Variants in CBL observed in about 807,000 individuals in gnomAD.
CBL encodes E3 ubiquitin-protein ligase CBL.
In CBL, 45 loss-of-function variants were observed where a neutral mutation model predicts 96.9. That is an observed-to-expected ratio of 0.46 (90% CI 0.37 to 0.60). The LOEUF is 0.60. Among genes scored for constraint, CBL ranks in the 20% least tolerant of loss-of-function variants. CBL has a pLI of 0.00. For missense variants in CBL, 1,024 were observed against 1,143.5 expected (o/e 0.90, Z 1.51); for synonymous variants, 420 against 426.8 (o/e 0.98, Z 0.20).
At chr11:119,272,349 T>C (rs1245699614) in intron 3 of CBL, among the ~76,000 whole-genome samples, 1 of 152,224 alleles carries the variant, frequency 6.6e-6, no homozygotes, top group Non-Finnish European at 1.5e-5. Context: ...TCTCGACTTC[T>C]GACCTCGTGA....
At position 119,307,762 on chromosome 11, in the gene CBL, C is replaced by G. The variant is rs1950158456; in HGVS notation, c.*7981C>G. On this transcript the variant is annotated 3_prime_UTR_variant, in exon 16 of 16. Coordinates refer to ENST00000264033, the MANE Select transcript of CBL (RefSeq NM_005188.4). ...TGGGAGTGCTGGAGAGAACCTGATG[C>G]TTTCTCCAGAATGAAGAGTCCCAAT... 1 of 219,228 alleles carries G rather than the reference C, an allele frequency of 4.6e-6. No individual in the cohort carries two copies. The highest frequency in any genetic ancestry group is 9.2e-6 in the Non-Finnish European group (1 of 109,174). 13.6% of individuals were successfully genotyped at this position (219,228 alleles called of 1,614,324 possible).
chr11:119,220,458 C>T (rs1315437495), intron 1 of CBL, among the ~76,000 whole-genome samples: 1 of 152,080 alleles, frequency 6.6e-6, no homozygotes, highest in African/African-American at 2.4e-5. Flanking sequence ...AAATATTAGC[C>T]AGGTGTGGCA....
At chr11:119,258,895 C>G (rs1369412106) in intron 2 of CBL, among the ~76,000 whole-genome samples, 2 of 152,172 alleles carry the variant, frequency 1.3e-5, no homozygotes, top group African/African-American at 4.8e-5. Context: ...GATACTGATT[C>G]TTCCAGTCCC....
At position 119,236,595 on chromosome 11, in the gene CBL, G is replaced by GTGTA. The variant is rs1017051945; in HGVS notation, c.443+3901_443+3902insGTAT. On this transcript the variant is annotated intron_variant, in intron 2 of 15. Transcript: ENST00000264033. Reference sequence around the variant, plus strand: ...ACATATATGTTTTCACTTCTTTTGAGTATATATATATATATATATATATAT... The same window carrying GTGTA: ...ACATATATGTTTTCACTTCTTTTGAGTGTATATATATATATATATATATATATAT... Among the ~76,000 whole-genome samples the GTGTA allele has an allele frequency of 4.4e-5, 6 of 137,764 alleles. No individual in the cohort carries two copies. In the South Asian group the frequency reaches 7.0e-4, roughly 16 times the overall value. 90.4% of individuals were successfully genotyped at this position (137,764 alleles called of 152,430 possible).
rs754168206 is a variant in CBL, at chr11:119,278,180, A to G, written c.1110A>G (p.Leu370=). 1.2e-6 allele frequency: 2 copies of G among 1,602,294 alleles called. No homozygotes were observed. Among genetic ancestry groups the G allele is most frequent in the Non-Finnish European group, 1.7e-6 (2 of 1,169,210 alleles). The change falls in exon 8 of 16, where the codon TTA becomes TTG. Residue 370 remains leucine, a synonymous_variant. Coordinates refer to ENST00000264033, the MANE Select transcript of CBL (RefSeq NM_005188.4). ...TTTAATCAAAGGAACAATATGAATT[A>G]TACTGTGAGATGGGCTCCACATTCC... The part of the protein sequence containing the change: ...HIKVTQEQYE[L]YCEMGSTFQL...
At chr11:119,221,983 T>G (rs1949415672) in intron 1 of CBL, among the ~76,000 whole-genome samples, 1 of 152,218 alleles carries the variant, frequency 6.6e-6, no homozygotes, top group Non-Finnish European at 1.5e-5. Context: ...TCTGGACTTG[T>G]GCTCTAGTAT....
rs1170501749 is a variant in CBL at position 119,206,442 on chromosome 11, T to A, written c.25T>A (p.Ser9Thr). MAGNVKKS[S>T]GAGGGSGSGG... ...CATGGCCGGCAACGTGAAGAAGAGC[T>A]CTGGGGCCGGGGGCGGCAGCGGCTC... Residue 9 changes from serine to threonine, a missense_variant, in exon 1 of 16, where the codon TCT becomes ACT. Ser to Thr is a moderately conservative substitution (Grantham distance 58). This residue lies in a region of CBL where 114 missense variants were observed against 117.4 expected (regional missense o/e 0.97). Transcript: ENST00000264033. 1 of 1,577,976 alleles carries A rather than the reference T, an allele frequency of 6.3e-7. No individual in the cohort carries two copies. The highest frequency in any genetic ancestry group is 1.8e-5 in the Admixed American group (1 of 55,504).
rs570282674 is a variant in CBL at position 119,216,844 on chromosome 11, C to T, written c.195+10232C>T. On this transcript the variant is annotated intron_variant, in intron 1 of 15. Coordinates refer to ENST00000264033, the MANE Select transcript of CBL (RefSeq NM_005188.4). ...TACTGTGTGTAGTTTGGGGTCCATTCCCTCCCATCTCCCTACCTGTCTTAT... is the reference window on the plus strand; with the variant it reads ...TACTGTGTGTAGTTTGGGGTCCATTTCCTCCCATCTCCCTACCTGTCTTAT... Among the ~76,000 whole-genome samples, 4 of 152,230 alleles carry T rather than the reference C, an allele frequency of 2.6e-5. No individual in the cohort carries two copies. In the East Asian group the frequency reaches 7.7e-4, roughly 29 times the overall value.
Position 119,276,007 on chromosome 11 carries a change from C to A in CBL, c.880C>A (p.Arg294=). The A allele has an allele frequency of 1.2e-6, 2 of 1,614,056 alleles. No homozygotes were observed. Among genetic ancestry groups the A allele is most frequent in the Non-Finnish European group, 1.7e-6 (2 of 1,179,944 alleles). Residue 294 remains arginine (R), a synonymous_variant, in exon 6 of 16, where the codon CGG becomes AGG. Coordinates refer to ENST00000264033, the MANE Select transcript of CBL (RefSeq NM_005188.4). ...TATGTCTGTTCATAGTTATATCTTC[C>A]GGCTGAGCTGTACTCGTCTGGGTCA... The part of the protein sequence containing the change: ...FIHKPGSYIF[R]LSCTRLGQWA...
intron 9 of CBL, among the ~76,000 whole-genome samples, chr11:119,281,715 T>C (rs1363156012): frequency 6.6e-6 from 1 of 152,018 alleles, no homozygotes; most frequent in African/African-American, 2.4e-5. Context: ...GCCAGGATGG[T>C]CTTGATCTCC....
rs1241937644 is a variant in CBL, at chr11:119,299,525, G to A, written c.2465G>A (p.Arg822Lys). Residue 822 changes from arginine to lysine, a missense_variant, in exon 16 of 16, where the codon AGG becomes AAG. Arg to Lys is a conservative substitution (Grantham distance 26). Around this residue, in one of 4 missense-constraint regions of CBL, gnomAD observed 695 missense variants for 661.6 expected, o/e 1.05. Coordinates refer to ENST00000264033, the MANE Select transcript of CBL (RefSeq NM_005188.4). ...ACTGAAGGTTCCCAAGTTCCCGAGA[G>A]GCCTCCAAAACCATTCCCGCGGAGA... ...NVTEGSQVPE[R>K]PPKPFPRRIN... 6.2e-7 allele frequency: 1 copy of A among 1,614,004 alleles called. No individual in the cohort carries two copies. Among genetic ancestry groups the A allele is most frequent in the Non-Finnish European group, 8.5e-7 (1 of 1,180,014 alleles).
chr11:119,216,595 C>T (rs926710459), intron 1 of CBL, among the ~76,000 whole-genome samples: 12 of 152,046 alleles, frequency 7.9e-5, no homozygotes, highest in African/African-American at 2.9e-4. Context: ...TGGTCTCGAT[C>T]TCTTGACCTT....
At position 119,224,451 on chromosome 11, in the gene CBL, T is replaced by C. The variant is rs536312354; in HGVS notation, c.196-7997T>C. 2.5e-3 allele frequency among the ~76,000 whole-genome samples: 381 copies of C among 152,222 alleles called. 3 individuals carry two copies. Among genetic ancestry groups the C allele is most frequent in the African/African-American group, 7.7e-3 (320 of 41,550 alleles). Reference sequence around the variant, plus strand: ...ATAACTTTTGACTCCCTGCCAAAAGTTAACCAGTAATAGCCTACTGTTGAC... The same window carrying C: ...ATAACTTTTGACTCCCTGCCAAAAGCTAACCAGTAATAGCCTACTGTTGAC... On this transcript the variant is annotated intron_variant, in intron 1 of 15. Coordinates refer to ENST00000264033, the MANE Select transcript of CBL (RefSeq NM_005188.4).
At chr11:119,238,457 G>C (rs539757561) in intron 2 of CBL, among the ~76,000 whole-genome samples, 3 of 149,710 alleles carry the variant, frequency 2.0e-5, no homozygotes, top group Non-Finnish European at 3.0e-5. Context: ...TGACCCGCCC[G>C]CCTCGGCCTC....
At chr11:119,228,359 A>G (rs1359762682) in intron 1 of CBL, among the ~76,000 whole-genome samples, 1 of 152,056 alleles carries the variant, frequency 6.6e-6, no homozygotes, top group Non-Finnish European at 1.5e-5. Flanking sequence ...GACACAAAGC[A>G]TTTTGGGAGG....
At chr11:119,290,206 C>A (rs2511859) in intron 12 of CBL, among the ~76,000 whole-genome samples, 4,721 of 152,014 alleles carry the variant, frequency 0.031, 259 homozygotes, top group African/African-American at 0.11. Flanking sequence ...CTACCACACT[C>A]AGCTAATTTT....
chr11:119,244,158 G>A (rs1207895700), intron 2 of CBL, among the ~76,000 whole-genome samples: 1 of 152,172 alleles, frequency 6.6e-6, no homozygotes, highest in Non-Finnish European at 1.5e-5. Context: ...GTGAAGTTCA[G>A]TGAACCTAGC....
At chr11:119,271,249 A>C (rs946738961) in intron 2 of CBL, among the ~76,000 whole-genome samples, 4 of 152,220 alleles carry the variant, frequency 2.6e-5, no homozygotes, top group African/African-American at 9.6e-5. Flanking sequence ...ATAAGTTCTT[A>C]CACTTATTTG....
chr11:119,239,845 G>T (rs937419962), intron 2 of CBL, among the ~76,000 whole-genome samples: 3 of 150,762 alleles, frequency 2.0e-5, no homozygotes, highest in Non-Finnish European at 4.4e-5. Context: ...TGTTTCATTC[G>T]TGGTTTTTCT....
Sources: gnomAD v4.1 joint callset for allele counts (sites outside exome capture counted in the v4.1 genomes callset) on GRCh38, gnomAD v4.1.1 for gene constraint, gnomAD v4.1.1 regional missense constraint, MANE v1.5 for transcripts, NCBI Gene and HGNC (gene_info 2026-07-23, HGNC 2026-07-21) for gene names.